The following TECTA variants were observed in gnomAD, a reference collection of about 807,000 sequenced individuals.
TECTA encodes the protein alpha-tectorin.
A neutral mutation model predicts 216.8 loss-of-function variants in TECTA; 128 were observed. That is an observed-to-expected ratio of 0.59 (90% CI 0.51 to 0.68). TECTA has a LOEUF of 0.68. Among genes scored for constraint, TECTA ranks in the 30% least tolerant of loss-of-function variants. The pLI, the probability that TECTA is intolerant of heterozygous loss-of-function variation, is 0.00. For synonymous variants in TECTA, 1,089 were observed against 1,117.1 expected (o/e 0.97, Z 0.50); for missense variants, 2,551 against 2,786.2 (o/e 0.92, Z 1.90).
chr11:121,174,157 C>T (rs2134202651), intron 20 of TECTA, among the ~76,000 whole-genome samples: 1 of 152,214 alleles, frequency 6.6e-6, no homozygotes, highest in African/African-American at 2.4e-5. Flanking sequence ...TTGTCTTCCT[C>T]TTTTCCTAAT....
intron 20 of TECTA, among the ~76,000 whole-genome samples, chr11:121,173,823 C>T (rs1287783079): frequency 6.6e-6 from 1 of 152,176 alleles, no homozygotes; most frequent in Non-Finnish European, 1.5e-5. Flanking sequence ...TACCCATGAG[C>T]ATGAAATGTT....
intron 20 of TECTA, among the ~76,000 whole-genome samples, chr11:121,172,749 C>T (rs1244080575): frequency 1.3e-5 from 2 of 152,140 alleles, no homozygotes; most frequent in African/African-American, 2.4e-5. Flanking sequence ...TTCTAGATCC[C>T]TGAGGAATCG....
At chr11:121,141,164 A>C (rs1300321164) in intron 11 of TECTA, 1 of 152,214 alleles carries the variant, frequency 6.6e-6, no homozygotes, top group Non-Finnish European at 1.5e-5. Context: ...TTTAACAGTT[A>C]CTTCGGATTA....
Position 121,105,812 on chromosome 11 carries a change from C to A in TECTA, c.65-19C>A, listed in dbSNP as rs774914024. ...GCAGAGGGAGCTGCCATCTATCTAA[C>A]CATCATCTCTCTTGACAGCTCAGCC... On this transcript the variant is annotated intron_variant, in intron 2 of 23. Transcript: ENST00000392793. The surrounding 1 kb of genome is among the most constrained non-coding windows in gnomAD (Gnocchi z 5.3). 2.5e-6 allele frequency: 4 copies of A among 1,614,084 alleles called. No homozygotes were observed. The East Asian group carries it at 6.7e-5, about 27-fold the overall frequency.
At chr11:121,152,769 C>T (rs1946902664) in intron 12 of TECTA, 112 bp from the exon 13 acceptor site, 1 of 1,138,518 alleles carries the variant, frequency 8.8e-7, no homozygotes, top group Non-Finnish European at 1.2e-6. Context: ...CCTCCTGGCT[C>T]CTGCCTCTCC....
intron 3 of TECTA, 147 bp downstream of exon 3, chr11:121,106,111 T>A: frequency 7.9e-7 from 1 of 1,260,060 alleles, no homozygotes; most frequent in East Asian, 2.3e-5. Context: ...TTTCATGAGC[T>A]GATAGGTTTT....
intron 20 of TECTA, among the ~76,000 whole-genome samples, chr11:121,176,614 C>T (rs543664988): frequency 2.7e-4 from 39 of 144,744 alleles, no homozygotes; most frequent in African/African-American, 1.0e-3. Context: ...AACATTTTTT[C>T]CTTCATTTCA....
chr11:121,129,768 T>C lies in TECTA; in HGVS notation c.2498T>C (p.Leu833Ser), dbSNP rs1946652384. ...VTVQYSDIGLLYIRLSTTYFN... is the reference protein window; with the variant it reads ...VTVQYSDIGLSYIRLSTTYFN... ...GTCCAGTACTCAGACATAGGTCTAT[T>C]GTACATCCGGCTGTCCACCACATAC... The change falls in exon 10 of 24, where the codon TTG becomes TCG. Residue 833 changes from leucine (L) to serine (S), a missense_variant. Physicochemically the swap from Leu to Ser is moderately radical, Grantham distance 145 (BLOSUM62 -2). This residue lies in a region of TECTA where 2,375 missense variants were observed against 2,563.9 expected (regional missense o/e 0.93). Coordinates refer to ENST00000392793, the MANE Select transcript of TECTA (RefSeq NM_005422.4). The C allele has an allele frequency of 1.9e-6, 3 of 1,614,084 alleles. No individual in the cohort carries two copies. The highest frequency in any genetic ancestry group is 2.5e-6 in the Non-Finnish European group (3 of 1,180,054).
intron 11 of TECTA, among the ~76,000 whole-genome samples, 164 bp downstream of exon 11, chr11:121,138,186 G>T (rs1376216731): frequency 2.0e-5 from 3 of 152,198 alleles, no homozygotes; most frequent in Admixed American, 6.5e-5. Context: ...TCATCTTACA[G>T]AGAAGGAAAC....
At chr11:121,101,864 C>G (rs1946349698) in intron 1 of TECTA, among the ~76,000 whole-genome samples, 1 of 152,204 alleles carries the variant, frequency 6.6e-6, no homozygotes, top group African/African-American at 2.4e-5. Context: ...CAGAGTGACA[C>G]AGACAAAACA....
At chr11:121,160,031 C>A in intron 14 of TECTA, 104 bp from the exon 15 acceptor site, 1 of 1,348,760 alleles carries the variant, frequency 7.4e-7, no homozygotes, top group African/African-American at 1.4e-5. Context: ...AGACAGAGAT[C>A]ACAGGGCCTG....
intron 20 of TECTA, among the ~76,000 whole-genome samples, chr11:121,183,184 A>C (rs964323431): frequency 7.2e-5 from 11 of 152,088 alleles, no homozygotes; most frequent in African/African-American, 2.7e-4. Context: ...TTAAGTAGGC[A>C]TGAGGGGTGG....
In TECTA at chr11:121,166,707, C is replaced by CCGGCAT; in HGVS notation, c.5516_5521dup (p.Gly1839_Ile1840dup). 1 of 1,614,188 alleles carries CCGGCAT rather than the reference C, an allele frequency of 6.2e-7. No individual in the cohort carries two copies. The highest frequency in any genetic ancestry group is 8.5e-7 in the Non-Finnish European group (1 of 1,180,038). ...GTGAGGATCAATGACAGACAGTGCA[C>CCGGCAT]CGGCATCGAGGGGGAAGATTTTATC... On this transcript the variant is annotated inframe_insertion, in exon 18 of 24. Coordinates refer to ENST00000392793, the MANE Select transcript of TECTA (RefSeq NM_005422.4).
At chr11:121,134,086 C>T (rs1227178022) in intron 10 of TECTA, among the ~76,000 whole-genome samples, 1 of 152,114 alleles carries the variant, frequency 6.6e-6, no homozygotes, top group Non-Finnish European at 1.5e-5. Context: ...GCTCCTGTGT[C>T]CCTTCAGCAT....
intron 2 of TECTA, among the ~76,000 whole-genome samples, chr11:121,103,045 T>TTCTGA (rs2135046932): frequency 6.6e-6 from 1 of 152,316 alleles, no homozygotes; most frequent in East Asian, 1.9e-4. Context: ...GTATGTGCAC[T>TTCTGA]TCATGTCTGA....
intron 6 of TECTA, among the ~76,000 whole-genome samples, chr11:121,115,982 C>T (rs2135064101): frequency 6.6e-6 from 1 of 152,228 alleles, no homozygotes; most frequent in East Asian, 1.9e-4. Context: ...TACAGAAAAG[C>T]CACATTCACA....
intron 20 of TECTA, among the ~76,000 whole-genome samples, chr11:121,175,623 A>G (rs1050242742): frequency 1.3e-5 from 2 of 152,148 alleles, no homozygotes; most frequent in African/African-American, 4.8e-5. Flanking sequence ...TATGTGGTCA[A>G]TTTTGGAATA....
In TECTA at chr11:121,129,626, T is replaced by C; in HGVS notation, c.2368-12T>C. 1 of 1,613,986 alleles carries C rather than the reference T, an allele frequency of 6.2e-7. No individual in the cohort carries two copies. Among genetic ancestry groups the C allele is most frequent in the Non-Finnish European group, 8.5e-7 (1 of 1,179,850 alleles). On this transcript the variant is annotated splice_polypyrimidine_tract_variant and intron_variant, in intron 9 of 23. Transcript: ENST00000392793. ...TGTCTCTGGAATTGATAAGAATGAC[T>C]TGATTTTTCAGTTGAATGGTCAGGA...
At chr11:121,139,594 G>A (rs1306320391) in intron 11 of TECTA, among the ~76,000 whole-genome samples, 1 of 152,004 alleles carries the variant, frequency 6.6e-6, no homozygotes, top group Non-Finnish European at 1.5e-5. Flanking sequence ...GGGAGGCTGA[G>A]ACAGAGAATT....
Sources: gnomAD v4.1 joint callset for allele counts (sites outside exome capture counted in the v4.1 genomes callset) on GRCh38, gnomAD v4.1.1 for gene constraint, gnomAD v4.1.1 regional missense constraint, Gnocchi (gnomAD v3.1) non-coding constraint, MANE v1.5 for transcripts, NCBI Gene and HGNC (gene_info 2026-07-23, HGNC 2026-07-21) for gene names.